Variants in FYCO1 observed in about 807,000 individuals in gnomAD.
The protein encoded by FYCO1 is FYVE and coiled-coil domain autophagy adaptor 1.
Under a neutral mutation model 165.1 loss-of-function variants are expected in FYCO1, and 122 were observed. The observed-to-expected ratio is 0.74, with a 90% CI of 0.64 to 0.86. The LOEUF (loss-of-function observed/expected upper bound fraction) is 0.86, where lower values mean the gene tolerates loss of function less well. Ranked by LOEUF, FYCO1 falls within the 40% of genes least tolerant of loss-of-function variation. FYCO1 has a pLI of 0.00. For missense variants in FYCO1, 1,702 were observed against 1,810.3 expected (o/e 0.94, Z 1.09); for synonymous variants, 648 against 742.5 (o/e 0.87, Z 2.07).
chr3:45,949,807 G>A (rs1322683878), intron 14 of FYCO1, among the ~76,000 whole-genome samples: 3 of 152,166 alleles, frequency 2.0e-5, no homozygotes, highest in Non-Finnish European at 4.4e-5. Flanking sequence ...TGCCTGCCTG[G>A]CCCCAGGAAC....
At chr3:45,934,463 T>A (rs1703785283) in intron 15 of FYCO1, among the ~76,000 whole-genome samples, 1 of 152,192 alleles carries the variant, frequency 6.6e-6, no homozygotes, top group African/African-American at 2.4e-5. Context: ...TCTAAAACCA[T>A]GGAGGCCAGA....
rs1703026456 is a variant in FYCO1 at position 45,919,635 on chromosome 3, T to C, written c.*2130A>G. 6.6e-6 allele frequency: 1 copy of C among 152,208 alleles called. No individual in the cohort carries two copies. The highest frequency in any genetic ancestry group is 2.4e-5 in the African/African-American group (1 of 41,440). The allele number at this position is 152,208 out of a possible 1,614,324, so 9.4% of individuals were successfully genotyped here. ...GCTACTCAGTGAATGGTGGTTCTTG[T>C]TGCATATGGTGCCAGTGACACTTCA... On this transcript the variant is annotated 3_prime_UTR_variant, in exon 18 of 18. Coordinates refer to ENST00000296137, the MANE Select transcript of FYCO1 (RefSeq NM_024513.4).
intron 1 of FYCO1, among the ~76,000 whole-genome samples, chr3:45,989,430 A>AC (rs1336800097): frequency 3.3e-5 from 5 of 152,200 alleles, no homozygotes; most frequent in Non-Finnish European, 2.9e-5. Flanking sequence ...AGGGGCTGGA[A>AC]CAATCAGTGG....
At chr3:45,953,891 C>G (rs970282181) in intron 14 of FYCO1, among the ~76,000 whole-genome samples, 9 of 152,204 alleles carry the variant, frequency 5.9e-5, no homozygotes, top group Non-Finnish European at 1.5e-5. Context: ...TGAGAGGGCG[C>G]ATCTATCAGA....
chr3:45,940,642 T>G (rs1704170089), intron 14 of FYCO1, among the ~76,000 whole-genome samples: 1 of 152,194 alleles, frequency 6.6e-6, no homozygotes, highest in Non-Finnish European at 1.5e-5. Context: ...CACTTGGATC[T>G]CTCAGGTCAC....
chr3:45,948,651 A>G (rs1308856721), intron 14 of FYCO1, among the ~76,000 whole-genome samples: 1 of 152,234 alleles, frequency 6.6e-6, no homozygotes, highest in Non-Finnish European at 1.5e-5. Flanking sequence ...CAATAGGCTT[A>G]AAGATGTTTT....
chr3:45,969,882 G>A (rs1376054593), intron 6 of FYCO1, 117 bp from the exon 7 acceptor site: 3 of 712,110 alleles, frequency 4.2e-6, no homozygotes, highest in Non-Finnish European at 2.4e-6. Flanking sequence ...CAGGTAGAAT[G>A]TAAGAAAGTC....
chr3:45,947,400 G>A lies in FYCO1; in HGVS notation c.3944+7849C>T, dbSNP rs772399220. ...CTTCTGGAAACTTGTGAAGGACATTGGTTGCCTCCCTTACCTTGGGGTCTC... is the reference window on the plus strand; with the variant it reads ...CTTCTGGAAACTTGTGAAGGACATTAGTTGCCTCCCTTACCTTGGGGTCTC... On this transcript the variant is annotated intron_variant, in intron 14 of 17. Transcript: ENST00000296137. 7 of 1,614,238 alleles carry A rather than the reference G, an allele frequency of 4.3e-6. No homozygotes were observed. In the Admixed American group the frequency reaches 1.2e-4, roughly 27 times the overall value.
At position 45,958,584 on chromosome 3, in the gene FYCO1, T is replaced by A. The variant is rs781137188; in HGVS notation, c.3623A>T (p.Asn1208Ile). 12 of 1,614,230 alleles carry A rather than the reference T, an allele frequency of 7.4e-6. No individual in the cohort carries two copies. In the East Asian group the frequency reaches 2.2e-4, roughly 30 times the overall value. The part of the protein sequence containing the change: ...CGRIFCYYCC[N>I]NYVLSKHGGK... ...ACCGTGCTTGCTCAGGACGTAGTTGTTGCAGCAGTAGTAACAGAAGATGCG... is the reference window on the plus strand; with the variant it reads ...ACCGTGCTTGCTCAGGACGTAGTTGATGCAGCAGTAGTAACAGAAGATGCG... Residue 1208 changes from asparagine to isoleucine, a missense_variant, in exon 13 of 18, where the codon AAC becomes ATC. Transcript: ENST00000296137.
Position 45,931,806 on chromosome 3 carries a change from A to G in FYCO1, c.4041-525T>C, listed in dbSNP as rs114662042. Among the ~76,000 whole-genome samples, 1,061 of 152,290 alleles carry G rather than the reference A, an allele frequency of 7.0e-3. 12 individuals are homozygous for G. Among genetic ancestry groups the G allele is most frequent in the African/African-American group, 0.024 (979 of 41,558 alleles). The stretch of plus-strand genomic sequence containing the variant: ...TCTGGCGTCCATTGTAAGATTCCAC[A>G]TGGACACCCTGACCTTTCCTCAAAT... On this transcript the variant is annotated intron_variant, in intron 15 of 17. Transcript: ENST00000296137.
intron 5 of FYCO1, 134 bp downstream of exon 5, chr3:45,975,105 T>G (rs1484487831): frequency 5.3e-6 from 4 of 753,520 alleles, no homozygotes; most frequent in Non-Finnish European, 9.7e-6. Context: ...AAGACAATGA[T>G]ATATGTGGAA....
chr3:45,981,428 G>C (rs1401636822), intron 3 of FYCO1, 142 bp downstream of exon 3: 1 of 693,420 alleles, frequency 1.4e-6, no homozygotes, highest in East Asian at 2.7e-5. Context: ...TGGCACTGGG[G>C]ACTGCTCTGA....
At chr3:45,974,601 C>T (rs910084315) in intron 5 of FYCO1, among the ~76,000 whole-genome samples, 6 of 152,052 alleles carry the variant, frequency 3.9e-5, no homozygotes, top group African/African-American at 1.5e-4. Flanking sequence ...AGGAAAGGGG[C>T]CAAGAGATGC....
At chr3:45,972,062 C>T (rs1282761724) in intron 6 of FYCO1, among the ~76,000 whole-genome samples, 2 of 152,066 alleles carry the variant, frequency 1.3e-5, no homozygotes, top group Non-Finnish European at 1.5e-5. Context: ...AGTAAAATAT[C>T]GATAACTAGG....
intron 4 of FYCO1, among the ~76,000 whole-genome samples, chr3:45,977,273 A>G (rs1276280015): frequency 6.7e-6 from 1 of 150,370 alleles, no homozygotes; most frequent in Non-Finnish European, 1.5e-5. Flanking sequence ...CCATTATACC[A>G]GCCTTTAGAA....
At position 45,986,019 on chromosome 3, in the gene FYCO1, T is replaced by C. The variant is rs1188853693; in HGVS notation, c.-112-997A>G. 1.8e-4 allele frequency among the ~76,000 whole-genome samples: 28 copies of C among 152,252 alleles called. 1 individual carries two copies. Among genetic ancestry groups the C allele is most frequent in the Admixed American group, 1.8e-3 (28 of 15,286 alleles). Reference sequence around the variant, plus strand: ...GCGTGCAGGGCTCTGTTACGTGCTTTACACACATGATCACTTTTAATTCTC... The same window carrying C: ...GCGTGCAGGGCTCTGTTACGTGCTTCACACACATGATCACTTTTAATTCTC... On this transcript the variant is annotated intron_variant, in intron 1 of 17. Transcript: ENST00000296137.
At chr3:45,969,867 C>T (rs1706320276) in intron 6 of FYCO1, 102 bp from the exon 7 acceptor site, 2 of 833,446 alleles carry the variant, frequency 2.4e-6, no homozygotes, top group African/African-American at 1.7e-5. Context: ...AGGGGGCTGC[C>T]TTCCCAGGTA....
At position 45,973,092 on chromosome 3, in the gene FYCO1, C is replaced by A; in HGVS notation, c.535G>T (p.Ala179Ser). The A allele has an allele frequency of 6.2e-7, 1 of 1,614,164 alleles. No individual in the cohort carries two copies. Among genetic ancestry groups the A allele is most frequent in the Non-Finnish European group, 8.5e-7 (1 of 1,180,020 alleles). ...CCAAGCAATCCTTCAAAGTACCTGG[C>A]AAATGTTGGCCAGGCAGCATCCAAG... ...FDLDAAWPTFARRTLTTGSSA... is the reference protein window; with the variant it reads ...FDLDAAWPTFSRRTLTTGSSA... The change falls in exon 6 of 18, where the codon GCC becomes TCC. Residue 179 changes from alanine to serine, a missense_variant. Ala to Ser is a moderately conservative substitution (Grantham distance 99). Coordinates refer to ENST00000296137, the MANE Select transcript of FYCO1 (RefSeq NM_024513.4).
At chr3:45,953,927 C>T (rs552065292) in intron 14 of FYCO1, among the ~76,000 whole-genome samples, 1 of 152,334 alleles carries the variant, frequency 6.6e-6, no homozygotes, top group Admixed American at 6.5e-5. Context: ...ATCCGAGCTT[C>T]CTTTCTCATG....
Sources: gnomAD v4.1 joint callset for allele counts (sites outside exome capture counted in the v4.1 genomes callset) on GRCh38, gnomAD v4.1.1 for gene constraint, MANE v1.5 for transcripts, NCBI Gene and HGNC (gene_info 2026-07-23, HGNC 2026-07-21) for gene names.